The following SEMA4B variants were observed in gnomAD, a reference collection of about 807,000 sequenced individuals.
SEMA4B encodes the protein semaphorin 4B.
A neutral mutation model predicts 88.1 loss-of-function variants in SEMA4B; 55 were observed. That is an observed-to-expected ratio of 0.62 (90% confidence interval 0.50 to 0.78). The LOEUF (loss-of-function observed/expected upper bound fraction) is 0.78, where lower values mean the gene tolerates loss of function less well. Ranked by LOEUF, SEMA4B falls within the 30% of genes least tolerant of loss-of-function variation. The pLI is 0.00. For synonymous variants in SEMA4B, 525 were observed against 473.6 expected (o/e 1.11, Z -1.41); for missense variants, 1,062 against 1,111.9 (o/e 0.96, Z 0.64).
chr15:90,222,879 AAG>A (rs1567059696), intron 7 of SEMA4B, among the ~76,000 whole-genome samples: 5,012 of 66,394 alleles, frequency 0.075, 261 homozygotes, highest in African/African-American at 0.24. Flanking sequence ...CCAGCACAAG[AAG>A]GAGTCACTGG....
intron 1 of SEMA4B, among the ~76,000 whole-genome samples, chr15:90,209,875 C>G (rs1271433116): frequency 6.6e-6 from 1 of 152,068 alleles, no homozygotes. Flanking sequence ...GTCACTTGGT[C>G]GAACCAAGAG....
Position 90,187,201 on chromosome 15 carries a change from T to A in SEMA4B, c.-122+2120T>A, listed in dbSNP as rs938545266. 2.0e-5 allele frequency among the ~76,000 whole-genome samples: 3 copies of A among 152,184 alleles called. No individual in the cohort carries two copies. In the South Asian group the frequency reaches 6.2e-4, roughly 32 times the overall value. ...TCTCTTCTGAAGCCAGCAAAGCTGG[T>A]GAGCCTGGAGCTAAGCAAGAAAACT... On this transcript the variant is annotated intron_variant, in intron 1 of 14. Coordinates refer to the SEMA4B transcript ENST00000332496.
Position 90,212,792 on chromosome 15 carries a change from A to G in SEMA4B, c.158-4647A>G, listed in dbSNP as rs1780758403. Among the ~76,000 whole-genome samples, 1 of 151,912 alleles carries G rather than the reference A, an allele frequency of 6.6e-6. No homozygotes were observed. The highest frequency in any genetic ancestry group is 1.5e-5 in the Non-Finnish European group (1 of 67,966). On this transcript the variant is annotated intron_variant, in intron 1 of 13. Transcript: ENST00000411539. The surrounding 1 kb of genome is among the most constrained non-coding windows in gnomAD (Gnocchi z 4.0). ...GCACAGACCAGCTCGCGCCCACAAC[A>G]CGAGCCTGTGACACGCAAGTCTCTG...
chr15:90,221,510 C>T (rs776832854), intron 6 of SEMA4B, 30 bp downstream of exon 6: 68 of 1,605,748 alleles, frequency 4.2e-5, no homozygotes, highest in Admixed American at 1.2e-4. Context: ...ACCCAGAGGG[C>T]AGGGATCCTG....
chr15:90,191,586 T>C (rs1960345205), intron 1 of SEMA4B, among the ~76,000 whole-genome samples: 1 of 152,170 alleles, frequency 6.6e-6, no homozygotes, highest in Non-Finnish European at 1.5e-5. Flanking sequence ...TGTGGCTTGC[T>C]AAAAGTCCAC....
At chr15:90,222,443 G>A (rs776014108) in intron 7 of SEMA4B, among the ~76,000 whole-genome samples, 3 of 151,450 alleles carry the variant, frequency 2.0e-5, no homozygotes, top group South Asian at 4.2e-4. Context: ...GGTGGTGCAC[G>A]CCTGTAATCC....
At chr15:90,220,217 C>T in intron 4 of SEMA4B, 1 of 280,644 alleles carries the variant, frequency 3.6e-6, no homozygotes, top group Non-Finnish European at 6.7e-6. Context: ...TTATCTTGTA[C>T]ACCCCCTCCT....
At chr15:90,196,210 G>A (rs1048354437) in intron 1 of SEMA4B, among the ~76,000 whole-genome samples, 1 of 151,934 alleles carries the variant, frequency 6.6e-6, no homozygotes, top group African/African-American at 2.4e-5. Flanking sequence ...TTCCAGGCGT[G>A]AGCTGCTGGG....
chr15:90,217,843 T>G lies in SEMA4B; in HGVS notation c.384+14T>G, dbSNP rs967233635. 2 of 1,607,852 alleles carry G rather than the reference T, an allele frequency of 1.2e-6. No homozygotes were observed. The highest frequency in any genetic ancestry group is 2.7e-5 in the African/African-American group (2 of 74,730). ...AAGGACCCACAGGTGAGCCCACACC[T>G]GGAAGGGAGCTGAGCTGCAGGAGGG... On this transcript the variant is annotated intron_variant, in intron 3 of 13. Coordinates refer to ENST00000411539, the MANE Select transcript of SEMA4B (RefSeq NM_198925.4).
chr15:90,209,220 G>A (rs1230634290), intron 1 of SEMA4B, among the ~76,000 whole-genome samples: 1 of 152,106 alleles, frequency 6.6e-6, no homozygotes, highest in African/African-American at 2.4e-5. Flanking sequence ...ATAAGACATG[G>A]TCTTGATCTT....
Position 90,225,050 on chromosome 15 carries a change from A to G in SEMA4B, c.1277A>G (p.His426Arg). 1.9e-6 allele frequency: 3 copies of G among 1,613,872 alleles called. No individual in the cohort carries two copies. The highest frequency in any genetic ancestry group is 2.5e-6 in the Non-Finnish European group (3 of 1,179,822). ...CGCGTGCTGAACTTCCTCAAGGACC[A>G]CTTCCTGATGGACGGGCAGGTCCGA... ...PDRVLNFLKDHFLMDGQVRSR... is the reference protein window; with the variant it reads ...PDRVLNFLKDRFLMDGQVRSR... The change falls in exon 10 of 14, where the codon CAC (histidine) becomes CGC (arginine). Residue 426 changes from histidine (H) to arginine (R), a missense_variant. Coordinates refer to ENST00000411539, the MANE Select transcript of SEMA4B (RefSeq NM_198925.4).
intron 12 of SEMA4B, 98 bp downstream of exon 12, chr15:90,225,925 G>A (rs376825518): frequency 2.6e-5 from 24 of 934,764 alleles, no homozygotes; most frequent in African/African-American, 1.0e-4. Context: ...ACACAGCCTC[G>A]TTTATGTCCA....
intron 9 of SEMA4B, 36 bp from the exon 10 acceptor site, chr15:90,224,932 G>T (rs1962062986): frequency 6.3e-7 from 1 of 1,582,012 alleles, no homozygotes; most frequent in Non-Finnish European, 8.7e-7. Context: ...CCACCCCGAG[G>T]TGTGGCTGGC....
intron 1 of SEMA4B, among the ~76,000 whole-genome samples, chr15:90,190,017 C>T (rs567431855): frequency 2.0e-5 from 3 of 152,314 alleles, no homozygotes; most frequent in South Asian, 2.1e-4. Flanking sequence ...CATGTGGCCC[C>T]GTGGGTGCGT....
upstream of SEMA4B, among the ~76,000 whole-genome samples, chr15:90,199,837 A>T (rs1960639277): frequency 2.0e-5 from 3 of 151,862 alleles, no homozygotes; most frequent in South Asian, 6.2e-4. Context: ...AAAAAAAAAA[A>T]GTTGAGGCCT....
At chr15:90,220,944 T>G (rs772938328) in intron 4 of SEMA4B, 38 bp from the exon 5 acceptor site, 26 of 1,362,980 alleles carry the variant, frequency 1.9e-5, no homozygotes, top group Admixed American at 1.3e-4. Flanking sequence ...CCTCATTCCC[T>G]GGAGTGCCCC....
chr15:90,186,052 GCCT>G (rs1960157103), intron 1 of SEMA4B, among the ~76,000 whole-genome samples: 1 of 146,088 alleles, frequency 6.8e-6, no homozygotes, highest in Admixed American at 7.2e-5. Flanking sequence ...TTCTGCCTCA[GCCT>G]CCTGAGTAGC....
intron 1 of SEMA4B, among the ~76,000 whole-genome samples, chr15:90,205,951 C>T (rs957267435): frequency 3.3e-5 from 5 of 152,210 alleles, no homozygotes; most frequent in Non-Finnish European, 5.9e-5. Context: ...CCATGCCTCT[C>T]CCTGCCTGCC....
At chr15:90,210,065 G>A (rs926510371) in intron 1 of SEMA4B, among the ~76,000 whole-genome samples, 1 of 152,232 alleles carries the variant, frequency 6.6e-6, no homozygotes, top group African/African-American at 2.4e-5. Context: ...AGAGGATGGT[G>A]CCAGGCTCAG....
Sources: gnomAD v4.1 joint callset for allele counts (sites outside exome capture counted in the v4.1 genomes callset) on GRCh38, gnomAD v4.1.1 for gene constraint, Gnocchi (gnomAD v3.1) non-coding constraint, MANE v1.5 for transcripts, NCBI Gene and HGNC (gene_info 2026-07-23, HGNC 2026-07-21) for gene names.